CELF4: variants seen among roughly 807,000 people sequenced by gnomAD.
CELF4 encodes the protein CUGBP Elav-like family member 4, also known as CUG-BP- and ETR-3-like factor 4.
Under a neutral mutation model 59.9 loss-of-function variants are expected in CELF4, and 18 were observed. That is an observed-to-expected ratio of 0.30 (90% CI 0.21 to 0.45). The LOEUF (loss-of-function observed/expected upper bound fraction) is 0.45, where lower values mean the gene tolerates loss of function less well. Among genes scored for constraint, CELF4 ranks in the 20% least tolerant of loss-of-function variants. CELF4 has a pLI of 1.00. For missense variants in CELF4, 456 were observed against 689.0 expected (o/e 0.66, Z 3.79); for synonymous variants, 261 against 267.1 (o/e 0.98, Z 0.22).
intron 1 of CELF4, among the ~76,000 whole-genome samples, chr18:37,530,511 G>T (rs934693591): frequency 8.5e-5 from 13 of 152,128 alleles, no homozygotes; most frequent in African/African-American, 3.1e-4. Flanking sequence ...ATGGGGGTGG[G>T]TTATAATCAT....
At chr18:37,413,015 A>G (rs1026486555) in intron 2 of CELF4, among the ~76,000 whole-genome samples, 4 of 152,142 alleles carry the variant, frequency 2.6e-5, no homozygotes, top group African/African-American at 9.7e-5. Flanking sequence ...CTCCCCGCCC[A>G]GGCTGTGCAC....
intron 2 of CELF4, among the ~76,000 whole-genome samples, chr18:37,409,238 C>G (rs2099414235): frequency 2.0e-5 from 3 of 152,246 alleles, no homozygotes; most frequent in Admixed American, 6.5e-5. Flanking sequence ...GGTTTGGTGC[C>G]TCTTGCCCTT....
chr18:37,351,343 T>C (rs1286051368), intron 2 of CELF4, among the ~76,000 whole-genome samples: 1 of 152,210 alleles, frequency 6.6e-6, no homozygotes, highest in East Asian at 1.9e-4. Flanking sequence ...ATTATGTACA[T>C]GTGGCCTCCT....
chr18:37,538,415 G>A (rs561478427), intron 1 of CELF4, among the ~76,000 whole-genome samples: 52 of 152,252 alleles, frequency 3.4e-4, no homozygotes, highest in African/African-American at 1.1e-3. Flanking sequence ...CTCCCGAGCC[G>A]TCTTACCTTT....
Position 37,270,914 on chromosome 18 carries a change from C to T in CELF4, c.953G>A (p.Gly318Asp). The T allele has an allele frequency of 1.2e-6, 2 of 1,604,206 alleles. No homozygotes were observed. The highest frequency in any genetic ancestry group is 1.7e-6 in the Non-Finnish European group (2 of 1,175,058). Residue 318 changes from glycine to aspartate, a missense_variant, in exon 8 of 13, where the codon GGC (glycine) becomes GAC (aspartate). This residue lies in a region of CELF4 where 256 missense variants were observed against 340.8 expected (regional missense o/e 0.75). Transcript: ENST00000420428. ...AAAPMTPTSGGSTPPGITAPA... is the reference protein window; with the variant it reads ...AAAPMTPTSGDSTPPGITAPA... ...TGCAGTGATGCCCGGAGGGGTGCTG[C>T]CACCTGGTTCCAGGCATACAGAAGG...
chr18:37,438,842 A>G (rs2099702120), intron 2 of CELF4, among the ~76,000 whole-genome samples: 2 of 152,202 alleles, frequency 1.3e-5, no homozygotes, highest in African/African-American at 4.8e-5. Flanking sequence ...TTCAGGCTTC[A>G]GGCTGCTTGC....
intron 6 of CELF4, chr18:37,274,068 G>C: frequency 7.4e-7 from 1 of 1,352,316 alleles, no homozygotes; most frequent in Non-Finnish European, 9.4e-7. Flanking sequence ...GCCTCTCTCA[G>C]CTCTGCCCCT....
chr18:37,475,861 C>T (rs1198658841), intron 2 of CELF4, among the ~76,000 whole-genome samples: 1 of 152,164 alleles, frequency 6.6e-6, no homozygotes, highest in East Asian at 1.9e-4. Flanking sequence ...ACTCATTTCT[C>T]GAGTTCCTCT....
intron 2 of CELF4, among the ~76,000 whole-genome samples, chr18:37,368,342 CAG>C (rs1325631154): frequency 6.6e-6 from 1 of 152,130 alleles, no homozygotes; most frequent in Non-Finnish European, 1.5e-5. Context: ...GACCACAACT[CAG>C]GGGGAATTCT....
chr18:37,335,482 AGTGTGTGTGTGT>A (rs55853220), intron 2 of CELF4, among the ~76,000 whole-genome samples: 1 of 144,202 alleles, frequency 6.9e-6, no homozygotes, highest in African/African-American at 2.5e-5. Context: ...CAGTGCATGC[AGTGTGTGTGTGT>A]GTGTGTGTGT....
intron 2 of CELF4, among the ~76,000 whole-genome samples, chr18:37,351,102 G>A (rs2154553873): frequency 6.6e-6 from 1 of 152,284 alleles, no homozygotes; most frequent in South Asian, 2.1e-4. Context: ...AAAACGCAAA[G>A]GTGCTGGTGG....
Position 37,275,122 on chromosome 18 carries a change from G to A in CELF4, c.570C>T (p.Asn190=). The part of the protein sequence containing the change: ...ECTILRGPDG[N]SKGCAFVKYS... ...CGGCCCCGCCCCGCGCACCCTTGCT[G>A]TTGCCGTCGGGCCCGCGCAGGATGG... Residue 190 remains asparagine, a synonymous_variant, in exon 4 of 13, where the codon AAC becomes AAT. Transcript: ENST00000420428. The A allele has an allele frequency of 6.2e-7, 1 of 1,613,214 alleles. No individual in the cohort carries two copies. Among genetic ancestry groups the A allele is most frequent in the Non-Finnish European group, 8.5e-7 (1 of 1,179,800 alleles).
intron 1 of CELF4, among the ~76,000 whole-genome samples, chr18:37,529,750 A>G (rs935118807): frequency 1.3e-5 from 2 of 152,170 alleles, no homozygotes; most frequent in South Asian, 4.1e-4. Context: ...CCCAGGGGGT[A>G]TCAGCAACCA....
At chr18:37,541,606 A>G (rs892143165) in intron 1 of CELF4, among the ~76,000 whole-genome samples, 1 of 152,088 alleles carries the variant, frequency 6.6e-6, no homozygotes, top group African/African-American at 2.4e-5. Context: ...AAAACAATTC[A>G]GACACCCCTG....
intron 7 of CELF4, among the ~76,000 whole-genome samples, chr18:37,271,182 G>A (rs1356313790): frequency 6.6e-6 from 1 of 151,378 alleles, no homozygotes; most frequent in Admixed American, 6.6e-5. Context: ...GACCCTGATG[G>A]CTTGTCCTTA....
chr18:37,281,048 G>A (rs1233879355), intron 3 of CELF4, among the ~76,000 whole-genome samples: 1 of 152,188 alleles, frequency 6.6e-6, no homozygotes, highest in Admixed American at 6.5e-5. Context: ...CTGTATTCAG[G>A]GTATCAGGGA....
At chr18:37,404,572 G>A (rs1322280949) in intron 2 of CELF4, among the ~76,000 whole-genome samples, 11 of 152,182 alleles carry the variant, frequency 7.2e-5, no homozygotes, top group Non-Finnish European at 1.6e-4. Flanking sequence ...CATGGGGGCT[G>A]TGCCTGGGCC....
In CELF4 at chr18:37,245,472, A is replaced by C. The variant is rs2061691860; in HGVS notation, c.*45-275T>G. ...GAAGGTTCTTGATTTGGGTTACTTT[A>C]GCATTCTGGATTGGGGGTAGCTACA... On this transcript the variant is annotated intron_variant, in intron 12 of 12. Transcript: ENST00000420428. The surrounding 1 kb of genome is among the most constrained non-coding windows in gnomAD (Gnocchi z 4.1). Among the ~76,000 whole-genome samples, 1 of 152,098 alleles carries C rather than the reference A, an allele frequency of 6.6e-6. No individual in the cohort carries two copies. Among genetic ancestry groups the C allele is most frequent in the Admixed American group, 6.5e-5 (1 of 15,274 alleles).
chr18:37,486,996 G>A (rs1030405475), intron 1 of CELF4, among the ~76,000 whole-genome samples: 2 of 152,224 alleles, frequency 1.3e-5, no homozygotes, highest in African/African-American at 2.4e-5. Context: ...CATTGCCATG[G>A]CCATTTATTT....
Sources: allele counts gnomAD v4.1 joint callset (sites outside exome capture counted in the v4.1 genomes callset), GRCh38; gene constraint gnomAD v4.1.1; regional missense constraint gnomAD v4.1.1; non-coding constraint Gnocchi (gnomAD v3.1); transcripts MANE v1.5; gene names NCBI Gene and HGNC (gene_info 2026-07-23, HGNC 2026-07-21).